Variants in TLN2 observed in about 807,000 individuals in gnomAD.
The protein encoded by TLN2 is talin 2.
In TLN2, 118 loss-of-function variants were observed where a neutral mutation model predicts 294.7. The ratio of observed to expected loss-of-function variants is 0.40; its 90% CI spans 0.34 to 0.47. The LOEUF (loss-of-function observed/expected upper bound fraction) is 0.47. TLN2 is among the 20% of genes least tolerant of loss of function. The probability of loss-of-function intolerance (pLI) is 0.84; values close to 1 mark genes in which losing one functional copy is unlikely to be tolerated. For synonymous variants in TLN2, 1,431 were observed against 1,304.5 expected (o/e 1.10, Z -2.09); for missense variants, 3,083 against 3,282.2 (o/e 0.94, Z 1.48).
chr15:62,464,761 G>A (rs2037019499), intron 1 of TLN2, among the ~76,000 whole-genome samples: 1 of 152,146 alleles, frequency 6.6e-6, no homozygotes, highest in Non-Finnish European at 1.5e-5. Flanking sequence ...CATTCTTGAA[G>A]TGCTCATTTT....
chr15:62,613,451 A>G (rs8025077), intron 2 of TLN2, among the ~76,000 whole-genome samples: 66,011 of 151,878 alleles, frequency 0.43, 14,616 homozygotes, highest in East Asian at 0.58. Context: ...TGTGGAGTAA[A>G]TGGAACTCAT....
chr15:62,500,741 C>T (rs895328616), intron 1 of TLN2, among the ~76,000 whole-genome samples: 7 of 152,180 alleles, frequency 4.6e-5, no homozygotes, highest in African/African-American at 1.7e-4. Flanking sequence ...ATGTGAAATT[C>T]CTTCTTGAGG....
intron 1 of TLN2, among the ~76,000 whole-genome samples, chr15:62,558,541 T>A (rs2042733948): frequency 6.6e-6 from 1 of 152,178 alleles, no homozygotes; most frequent in Non-Finnish European, 1.5e-5. Flanking sequence ...AGACCCCCTG[T>A]AACAAAAGAC....
chr15:62,562,237 A>G (rs2043027984), intron 1 of TLN2, among the ~76,000 whole-genome samples: 1 of 152,082 alleles, frequency 6.6e-6, no homozygotes, highest in Non-Finnish European at 1.5e-5. Context: ...TTTTTATACC[A>G]TTTTGGTTTG....
intron 53 of TLN2, among the ~76,000 whole-genome samples, chr15:62,820,283 G>A (rs2067451518): frequency 6.6e-6 from 1 of 152,058 alleles, no homozygotes; most frequent in Non-Finnish European, 1.5e-5. Context: ...ACATGCAACT[G>A]ATTTAGAAAA....
intron 4 of TLN2, among the ~76,000 whole-genome samples, chr15:62,648,527 G>GTGATGATGA (rs139879266): frequency 2.0e-5 from 3 of 146,804 alleles, no homozygotes; most frequent in African/African-American, 7.6e-5. Context: ...GGTCTAAAAC[G>GTGATGATGA]TGATGATGAT....
intron 1 of TLN2, among the ~76,000 whole-genome samples, chr15:62,585,648 G>C (rs866559264): frequency 3.0e-4 from 45 of 152,258 alleles, no homozygotes; most frequent in African/African-American, 1.1e-3. Flanking sequence ...CATGGGAGCT[G>C]CTAAATGATT....
chr15:62,562,492 G>C (rs2043045466), intron 1 of TLN2, among the ~76,000 whole-genome samples: 2 of 152,038 alleles, frequency 1.3e-5, no homozygotes, highest in Admixed American at 1.3e-4. Context: ...GCTCCCTCTT[G>C]GCTCTGCCCC....
At chr15:62,730,658 C>G (rs2060673648) in intron 28 of TLN2, among the ~76,000 whole-genome samples, 2 of 152,186 alleles carry the variant, frequency 1.3e-5, no homozygotes, top group Non-Finnish European at 2.9e-5. Flanking sequence ...TCTTCCAGCA[C>G]TTTGGAGATG....
intron 28 of TLN2, among the ~76,000 whole-genome samples, chr15:62,734,773 A>G (rs1301550492): frequency 6.6e-6 from 1 of 152,234 alleles, no homozygotes; most frequent in Non-Finnish European, 1.5e-5. Flanking sequence ...GTGATTTACT[A>G]AATATTTACA....
chr15:62,482,599 T>C (rs969911385), intron 1 of TLN2, among the ~76,000 whole-genome samples: 1 of 103,894 alleles, frequency 9.6e-6, no homozygotes, highest in African/African-American at 4.4e-5. Flanking sequence ...TAAAACGTTG[T>C]CTCAAAAAAA....
intron 1 of TLN2, among the ~76,000 whole-genome samples, chr15:62,472,660 T>A (rs1253100642): frequency 6.6e-6 from 1 of 152,242 alleles, no homozygotes; most frequent in Non-Finnish European, 1.5e-5. Flanking sequence ...GACATACTCT[T>A]GTTCAAATGA....
intron 50 of TLN2, 135 bp from the exon 51 acceptor site, chr15:62,805,465 A>T: frequency 1.1e-6 from 1 of 910,114 alleles, no homozygotes; most frequent in Non-Finnish European, 1.6e-6. Flanking sequence ...TCAAATTTCT[A>T]ATTTCGCCAT....
chr15:62,814,757 C>T (rs1213500185), intron 52 of TLN2, among the ~76,000 whole-genome samples: 1 of 152,236 alleles, frequency 6.6e-6, no homozygotes, highest in African/African-American at 2.4e-5. Flanking sequence ...AGTATTCGGT[C>T]ACCTAAATTG....
chr15:62,585,801 T>A lies in TLN2; in HGVS notation c.-237-3886T>A, dbSNP rs553684610. Among the ~76,000 whole-genome samples, 12 of 152,288 alleles carry A rather than the reference T, an allele frequency of 7.9e-5. No homozygotes were observed. In the East Asian group the frequency reaches 2.1e-3, roughly 27 times the overall value. On this transcript the variant is annotated intron_variant, in intron 1 of 58. Transcript: ENST00000636159. ...TAGGCATTTTAAACAGGTAGGTGTG[T>A]TTCCATTGGAGACATGTTCTGTCTC...
At chr15:62,786,790 C>T (rs1262540882) in intron 45 of TLN2, among the ~76,000 whole-genome samples, 2 of 152,212 alleles carry the variant, frequency 1.3e-5, no homozygotes, top group African/African-American at 2.4e-5. Context: ...GCCCCAGTGC[C>T]ATTGGAACCA....
rs960323151 is a variant in TLN2 at position 62,841,482 on chromosome 15, A to T, written c.*872A>T. The T allele has an allele frequency of 6.6e-6, 1 of 151,900 alleles. No homozygotes were observed. Among genetic ancestry groups the T allele is most frequent in the Admixed American group, 6.6e-5 (1 of 15,248 alleles). 9.4% of individuals were successfully genotyped at this position (151,900 alleles called of 1,614,324 possible). A position where few individuals can be genotyped will look rare whatever the true frequency, so the allele number is the denominator to read the frequency against. On this transcript the variant is annotated 3_prime_UTR_variant, in exon 59 of 59. Coordinates refer to ENST00000636159, the MANE Select transcript of TLN2 (RefSeq NM_015059.3). ...GCTGGAATAAAGAGCTTCCTCAGTG[A>T]CTCATCTTTAGGTCCCACGCTGGTT...
chr15:62,654,143 GTGATA>G (rs2052923912), intron 7 of TLN2, among the ~76,000 whole-genome samples: 1 of 152,176 alleles, frequency 6.6e-6, no homozygotes, highest in African/African-American at 2.4e-5. Flanking sequence ...ACCACTCAGT[GTGATA>G]GTGCATGTCT....
intron 14 of TLN2, among the ~76,000 whole-genome samples, chr15:62,695,122 A>AG (rs1457233088): frequency 6.6e-6 from 1 of 152,168 alleles, no homozygotes; most frequent in Non-Finnish European, 1.5e-5. Flanking sequence ...TTTATAGATG[A>AG]GGAGATAGGT....
Sources: gnomAD v4.1 joint callset for allele counts (sites outside exome capture counted in the v4.1 genomes callset) on GRCh38, gnomAD v4.1.1 for gene constraint, MANE v1.5 for transcripts, NCBI Gene and HGNC (gene_info 2026-07-23, HGNC 2026-07-21) for gene names.